AGBL1: variants seen among roughly 807,000 people sequenced by gnomAD.
The protein encoded by AGBL1 is AGBL carboxypeptidase 1, also known as cytosolic carboxypeptidase 4.
A neutral mutation model predicts 118.9 loss-of-function variants in AGBL1; 130 were observed. The observed-to-expected ratio is 1.09, with a 90% CI of 0.95 to 1.26. The LOEUF (loss-of-function observed/expected upper bound fraction) is 1.26, where lower values mean the gene tolerates loss of function less well. AGBL1 is among the 50% of genes most tolerant of loss of function. The probability of loss-of-function intolerance (pLI) is 0.00; values close to 1 mark genes in which losing one functional copy is unlikely to be tolerated. For synonymous variants in AGBL1, 555 were observed against 478.9 expected, an observed-to-expected ratio of 1.16 and a Z score of -2.08; for missense variants, 1,584 against 1,298.1, an observed-to-expected ratio of 1.22 and a Z score of -3.38.
chr15:86,955,855 C>A (rs2080924891), intron 23 of AGBL1, among the ~76,000 whole-genome samples: 2 of 151,934 alleles, frequency 1.3e-5, no homozygotes, highest in Non-Finnish European at 2.9e-5. Flanking sequence ...GACTTTATAT[C>A]AAACATGTAA....
At chr15:86,831,204 G>A (rs1158510718) in intron 22 of AGBL1, among the ~76,000 whole-genome samples, 3 of 152,150 alleles carry the variant, frequency 2.0e-5, no homozygotes, top group Admixed American at 6.5e-5. Flanking sequence ...GATTATGGGA[G>A]CTAAAATTCA....
chr15:86,799,340 A>G (rs1205436635), intron 22 of AGBL1, among the ~76,000 whole-genome samples: 1 of 152,060 alleles, frequency 6.6e-6, no homozygotes, highest in Non-Finnish European at 1.5e-5. Context: ...TCTAACATTA[A>G]ATAAATCTAT....
chr15:86,969,933 C>A (rs2081090514), intron 23 of AGBL1, among the ~76,000 whole-genome samples: 1 of 151,860 alleles, frequency 6.6e-6, no homozygotes, highest in South Asian at 2.1e-4. Flanking sequence ...GTTACTTGGA[C>A]TCTGGATTTC....
rs370872041 is a variant in AGBL1 at position 86,759,883 on chromosome 15, G to A, written c.3158+85447G>A. On this transcript the variant is annotated intron_variant, in intron 22 of 22. Transcript: ENST00000614907. ...CTCCCACATTATTTCTGGTACTTATGGTAACCTTATCACCTTTCCTAGAGC... is the reference window on the plus strand; with the variant it reads ...CTCCCACATTATTTCTGGTACTTATAGTAACCTTATCACCTTTCCTAGAGC... Among the ~76,000 whole-genome samples, 6 of 152,028 alleles carry A rather than the reference G, an allele frequency of 3.9e-5. No homozygotes were observed. The South Asian group carries it at 1.0e-3, about 26-fold the overall frequency.
chr15:86,211,743 A>T (rs1299185689), intron 5 of AGBL1, among the ~76,000 whole-genome samples: 2 of 152,206 alleles, frequency 1.3e-5, no homozygotes, highest in Non-Finnish European at 2.9e-5. Context: ...GGTACAGGGC[A>T]TCACGGCTTC....
intron 23 of AGBL1, among the ~76,000 whole-genome samples, chr15:86,930,329 A>G (rs952680866): frequency 4.0e-5 from 6 of 151,152 alleles, no homozygotes; most frequent in Non-Finnish European, 7.4e-5. Context: ...GAAGTGATGC[A>G]TGTGACAATT....
At chr15:86,439,489 A>G (rs1418654683) in intron 18 of AGBL1, among the ~76,000 whole-genome samples, 3 of 152,270 alleles carry the variant, frequency 2.0e-5, no homozygotes, top group East Asian at 3.9e-4. Flanking sequence ...AGTAGAAACA[A>G]TGTTCATTTT....
At chr15:86,118,374 T>C (rs1453784454) in intron 1 of AGBL1, among the ~76,000 whole-genome samples, 5 of 152,126 alleles carry the variant, frequency 3.3e-5, no homozygotes, top group Non-Finnish European at 7.3e-5. Flanking sequence ...CCCCTCTGTT[T>C]ATGCTCACAA....
chr15:87,006,763 C>T (rs866521857), intron 24 of AGBL1, among the ~76,000 whole-genome samples: 11 of 152,146 alleles, frequency 7.2e-5, no homozygotes, highest in Non-Finnish European at 1.3e-4. Flanking sequence ...CCGTCTTCTG[C>T]GTCACTCACT....
chr15:86,653,143 T>C (rs988941639), intron 21 of AGBL1, among the ~76,000 whole-genome samples: 1 of 140,780 alleles, frequency 7.1e-6, no homozygotes, highest in African/African-American at 2.5e-5. Flanking sequence ...TGCACCGTCC[T>C]TCCATAACCT....
At chr15:87,004,121 C>G (rs1814763082) in intron 24 of AGBL1, among the ~76,000 whole-genome samples, 1 of 152,214 alleles carries the variant, frequency 6.6e-6, no homozygotes, top group South Asian at 2.1e-4. Flanking sequence ...AAATTTCCCT[C>G]TACACACTGC....
chr15:86,670,455 T>G (rs1596354458), intron 21 of AGBL1, among the ~76,000 whole-genome samples: 1 of 151,490 alleles, frequency 6.6e-6, no homozygotes, highest in South Asian at 2.1e-4. Flanking sequence ...AATACAAAAA[T>G]TAGCTGGGTG....
chr15:86,958,601 C>T (rs943385705), intron 23 of AGBL1, among the ~76,000 whole-genome samples: 3 of 152,130 alleles, frequency 2.0e-5, no homozygotes, highest in East Asian at 1.9e-4. Flanking sequence ...CTGTGCTATA[C>T]ACATAAATCT....
At chr15:86,366,426 C>G (rs1017147432) in intron 17 of AGBL1, among the ~76,000 whole-genome samples, 2 of 152,020 alleles carry the variant, frequency 1.3e-5, no homozygotes, top group Non-Finnish European at 2.9e-5. Context: ...ATTTTTAATC[C>G]TCATTTTATG....
At chr15:86,792,381 C>G (rs532216246) in intron 22 of AGBL1, among the ~76,000 whole-genome samples, 1 of 152,158 alleles carries the variant, frequency 6.6e-6, no homozygotes, top group East Asian at 1.9e-4. Context: ...TGTTCATTGT[C>G]TAGTATTTGG....
intron 23 of AGBL1, among the ~76,000 whole-genome samples, chr15:86,944,302 C>A (rs2080790303): frequency 6.6e-6 from 1 of 152,054 alleles, no homozygotes; most frequent in African/African-American, 2.4e-5. Context: ...TCGCTTGAAC[C>A]AGGGAGGCAG....
chr15:86,713,241 A>G (rs531199807), intron 22 of AGBL1, among the ~76,000 whole-genome samples: 12 of 152,336 alleles, frequency 7.9e-5, no homozygotes, highest in Admixed American at 6.5e-4. Context: ...AAAGATAGAA[A>G]ATTCAGGCAG....
chr15:86,756,163 C>G (rs185659435), intron 22 of AGBL1, among the ~76,000 whole-genome samples: 141 of 149,696 alleles, frequency 9.4e-4, no homozygotes, highest in Middle Eastern at 3.4e-3. Context: ...AGGAGCCAGG[C>G]CAAACAAATA....
intron 21 of AGBL1, among the ~76,000 whole-genome samples, chr15:86,599,111 T>G (rs2084453230): frequency 6.6e-6 from 1 of 152,152 alleles, no homozygotes; most frequent in East Asian, 1.9e-4. Flanking sequence ...GAATAGTGAT[T>G]AGTTTCACAC....
Sources: allele counts gnomAD v4.1 joint callset (sites outside exome capture counted in the v4.1 genomes callset), GRCh38; gene constraint gnomAD v4.1.1; transcripts MANE v1.5; gene names NCBI Gene and HGNC (gene_info 2026-07-23, HGNC 2026-07-21).